The following TRPM3 variants were observed in gnomAD, a reference collection of about 807,000 sequenced individuals.
TRPM3 encodes the protein long transient receptor potential channel 3.
In TRPM3, 77 loss-of-function variants were observed where a neutral mutation model predicts 181.2. The observed-to-expected ratio is 0.42, with a 90% confidence interval of 0.35 to 0.51. TRPM3 has a LOEUF of 0.51. TRPM3 is among the 20% of genes least tolerant of loss of function. The pLI is 0.01. For missense variants in TRPM3, 1,759 were observed against 2,196.7 expected (o/e 0.80, Z 3.98); for synonymous variants, 745 against 796.4 (o/e 0.94, Z 1.09).
At chr9:70,576,150 A>C (rs1464190301) in intron 22 of TRPM3, among the ~76,000 whole-genome samples, 1 of 152,142 alleles carries the variant, frequency 6.6e-6, no homozygotes. Context: ...GTTTTCATGG[A>C]TATCTAATTT....
At chr9:71,419,635 CAT>C (rs1292519272) in intron 1 of TRPM3, among the ~76,000 whole-genome samples, 3 of 151,844 alleles carry the variant, frequency 2.0e-5, no homozygotes, top group Non-Finnish European at 2.9e-5. Flanking sequence ...TATCACAATC[CAT>C]ATGTTTCCTT....
At chr9:71,131,546 G>A (rs2134459863) in intron 1 of TRPM3, among the ~76,000 whole-genome samples, 1 of 152,304 alleles carries the variant, frequency 6.6e-6, no homozygotes, top group East Asian at 1.9e-4. Context: ...ATGAACAAAT[G>A]AAGAATGAGT....
intron 1 of TRPM3, among the ~76,000 whole-genome samples, chr9:70,978,786 T>C (rs754216448): frequency 1.3e-5 from 2 of 152,212 alleles, no homozygotes; most frequent in Non-Finnish European, 1.5e-5. Flanking sequence ...GTGGGTCTCA[T>C]GGCTACACAC....
chr9:71,342,913 CA>C, intron 1 of TRPM3, among the ~76,000 whole-genome samples: 1 of 152,116 alleles, frequency 6.6e-6, no homozygotes, highest in South Asian at 2.1e-4. Context: ...TATCAAGCTA[CA>C]ACAAAAATGA....
intron 1 of TRPM3, among the ~76,000 whole-genome samples, chr9:71,117,393 A>G (rs749160777): frequency 6.6e-6 from 1 of 152,164 alleles, no homozygotes; most frequent in Non-Finnish European, 1.5e-5. Context: ...GGTTTTTGCC[A>G]TTAAAAACCT....
At chr9:71,336,927 C>T (rs2090599171) in intron 1 of TRPM3, among the ~76,000 whole-genome samples, 1 of 152,180 alleles carries the variant, frequency 6.6e-6, no homozygotes, top group Admixed American at 6.5e-5. Flanking sequence ...TGGACCCCTT[C>T]CTTACACCTT....
chr9:71,105,212 A>G (rs1173354487), intron 1 of TRPM3, among the ~76,000 whole-genome samples: 1 of 152,230 alleles, frequency 6.6e-6, no homozygotes, highest in Non-Finnish European at 1.5e-5. Context: ...TGCATATTGT[A>G]TGACTTGACT....
chr9:70,828,022 C>T lies in TRPM3; in HGVS notation c.802-4G>A. The T allele has an allele frequency of 1.2e-6, 2 of 1,606,806 alleles. No homozygotes were observed. Among genetic ancestry groups the T allele is most frequent in the Non-Finnish European group, 1.7e-6 (2 of 1,175,318 alleles). On this transcript the variant is annotated splice_polypyrimidine_tract_variant and splice_region_variant and intron_variant, in intron 5 of 25. Transcript: ENST00000677713. ...TGGTCTGGTATGGCCGGACAACCTG[C>T]AGGGTATCAAATGGAAGAGGCAGAA...
intron 20 of TRPM3, among the ~76,000 whole-genome samples, chr9:70,600,221 C>T (rs771753305): frequency 7.2e-5 from 11 of 151,890 alleles, no homozygotes; most frequent in Non-Finnish European, 1.6e-4. Flanking sequence ...ACCAGGGCCA[C>T]CTTCCTCAAT....
At position 70,536,561 on chromosome 9, in the gene TRPM3, C is replaced by T. The variant is rs886318551; in HGVS notation, c.4552G>A (p.Ala1518Thr). ...IERSKSSRYL[A>T]TTPFLLEEAP... Reference sequence around the variant, plus strand: ...TCTTCTAGAAGAAAGGGTGTGGTGGCTAGGTAGCGGCTACTTTTGGAACGC... The same window carrying T: ...TCTTCTAGAAGAAAGGGTGTGGTGGTTAGGTAGCGGCTACTTTTGGAACGC... The change falls in exon 26 of 26, where the codon GCC becomes ACC. Residue 1518 changes from alanine (A) to threonine (T), a missense_variant. This residue lies in a region of TRPM3 where 612 missense variants were observed against 590.0 expected (regional missense o/e 1.04). Transcript: ENST00000677713. 2 of 1,614,080 alleles carry T rather than the reference C, an allele frequency of 1.2e-6. No individual in the cohort carries two copies. The highest frequency in any genetic ancestry group is 1.7e-6 in the Non-Finnish European group (2 of 1,180,008).
At chr9:70,833,695 G>A (rs755746306) in intron 5 of TRPM3, among the ~76,000 whole-genome samples, 3 of 152,160 alleles carry the variant, frequency 2.0e-5, no homozygotes, top group Non-Finnish European at 4.4e-5. Flanking sequence ...ATTAGGGTTG[G>A]TTTTGCTGCT....
At chr9:70,792,191 A>C (rs2085608077) in intron 6 of TRPM3, among the ~76,000 whole-genome samples, 1 of 152,146 alleles carries the variant, frequency 6.6e-6, no homozygotes. Flanking sequence ...TCAGACCTGC[A>C]GTGAGCCAGA....
At chr9:70,983,118 A>T in intron 1 of TRPM3, among the ~76,000 whole-genome samples, 1 of 151,290 alleles carries the variant, frequency 6.6e-6, no homozygotes, top group Non-Finnish European at 1.5e-5. Flanking sequence ...CCATATTGCC[A>T]AATCCACCGA....
In TRPM3 at chr9:70,536,468, C is replaced by T. The variant is rs1314560921; in HGVS notation, c.4645G>A (p.Val1549Met). 2.2e-5 allele frequency: 36 copies of T among 1,613,998 alleles called. No individual in the cohort carries two copies. The highest frequency in any genetic ancestry group is 2.9e-5 in the Non-Finnish European group (34 of 1,180,034). ...GTGTATTCTGCTGTTTTTACAGGCACCCCAAAGTTGGCATAATAGCTCCTT... is the reference window on the plus strand; with the variant it reads ...GTGTATTCTGCTGTTTTTACAGGCATCCCAAAGTTGGCATAATAGCTCCTT... Reference protein sequence around the residue: ...PSRSYYANFGVPVKTAEYTSI... With the variant: ...PSRSYYANFGMPVKTAEYTSI... The change falls in exon 26 of 26, where the codon GTG (valine) becomes ATG (methionine). Residue 1549 changes from valine to methionine, a missense_variant. This residue lies in a region of TRPM3 where 612 missense variants were observed against 590.0 expected (regional missense o/e 1.04). Transcript: ENST00000677713.
intron 7 of TRPM3, among the ~76,000 whole-genome samples, chr9:70,766,712 T>C (rs911409515): frequency 6.6e-6 from 1 of 152,206 alleles, no homozygotes; most frequent in Non-Finnish European, 1.5e-5. Flanking sequence ...TTTGTAAAAG[T>C]TGCCACTTCC....
intron 8 of TRPM3, among the ~76,000 whole-genome samples, chr9:70,748,018 T>G: frequency 6.6e-6 from 1 of 152,068 alleles, no homozygotes; most frequent in East Asian, 1.9e-4. Context: ...AGTTAAACAT[T>G]TATTTTTAGA....
chr9:71,032,827 C>T (rs11142673), intron 1 of TRPM3, among the ~76,000 whole-genome samples: 25,334 of 152,146 alleles, frequency 0.17, 2,587 homozygotes, highest in Non-Finnish European at 0.22. Context: ...AAGGAAGTAA[C>T]CTTTCTGCCA....
intron 1 of TRPM3, among the ~76,000 whole-genome samples, chr9:71,116,417 A>C (rs556570480): frequency 2.6e-5 from 4 of 152,340 alleles, no homozygotes; most frequent in East Asian, 3.9e-4. Context: ...CAACATAATT[A>C]TTCCTTGAAG....
chr9:71,018,278 GA>G (rs2097802837), intron 1 of TRPM3, among the ~76,000 whole-genome samples: 1 of 150,794 alleles, frequency 6.6e-6, no homozygotes, highest in African/African-American at 2.4e-5. Flanking sequence ...GAAGCTAGGG[GA>G]AAAAAAGTTA....
Sources: allele counts gnomAD v4.1 joint callset (sites outside exome capture counted in the v4.1 genomes callset), GRCh38; gene constraint gnomAD v4.1.1; regional missense constraint gnomAD v4.1.1; transcripts MANE v1.5; gene names NCBI Gene and HGNC (gene_info 2026-07-23, HGNC 2026-07-21).